Variants in ANKRD26 observed in about 807,000 individuals in gnomAD.
The protein encoded by ANKRD26 is ankyrin repeat domain-containing protein 26.
Under a neutral mutation model 208.7 loss-of-function variants are expected in ANKRD26, and 141 were observed. The observed-to-expected ratio is 0.68, with a 90% CI of 0.59 to 0.78. The LOEUF is 0.78. Ranked by LOEUF, ANKRD26 falls within the 30% of genes least tolerant of loss-of-function variation. The pLI is 0.00. For missense variants in ANKRD26, 1,889 were observed against 1,938.7 expected (o/e 0.97, Z 0.48); for synonymous variants, 636 against 660.4 (o/e 0.96, Z 0.57).
chr10:27,035,709 T>C lies in ANKRD26; in HGVS notation c.2741A>G (p.Asn914Ser), dbSNP rs1170744555. Residue 914 changes from asparagine to serine, a missense_variant, in exon 24 of 34, where the codon AAT becomes AGT. Around this residue, in one of 3 missense-constraint regions of ANKRD26, gnomAD observed 1,272 missense variants for 1,273.8 expected, o/e 1.00. Transcript: ENST00000376087. ...AGCAATTTCTTCCTGCAACATGCTA[T>C]TTTTATGCGATAGGTCTTTTTCTTC... ...HEEEKDLSHK[N>S]SMLQEEIAML... The C allele has an allele frequency of 1.2e-6, 2 of 1,606,516 alleles. No homozygotes were observed. Among genetic ancestry groups the C allele is most frequent in the Non-Finnish European group, 1.7e-6 (2 of 1,177,280 alleles).
intron 4 of ANKRD26, chr10:26,995,185 G>A (rs759574031): frequency 1.5e-5 from 7 of 471,078 alleles, no homozygotes; most frequent in South Asian, 6.2e-5. Flanking sequence ...ATTACACTGG[G>A]ATATGATAAT....
chr10:27,077,720 GT>G, intron 7 of ANKRD26, 27 bp from the exon 8 acceptor site: 1 of 1,579,392 alleles, frequency 6.3e-7, no homozygotes, highest in Non-Finnish European at 8.7e-7. Context: ...AGAATAACAA[GT>G]TTTAAAAAAA....
intron 1 of ANKRD26, among the ~76,000 whole-genome samples, chr10:27,099,059 T>G (rs2056561243): frequency 6.6e-6 from 1 of 151,758 alleles, no homozygotes; most frequent in Non-Finnish European, 1.5e-5. Context: ...GGCACGATCT[T>G]GGCTCACTGC....
chr10:27,046,513 CAGGACCACTACTTTAAAA>C lies in ANKRD26; in HGVS notation c.1815-8_1824del. ...CTCTTTACTTCCTTCATTTGCAAGG[CAGGACCACTACTTTAAAA>C]AATCCATGGGAAATGACAGTTACAT... is the stretch of plus-strand genomic sequence containing the variant. On this transcript the variant is annotated splice_acceptor_variant and splice_polypyrimidine_tract_variant and coding_sequence_variant and intron_variant, in exon 18 of 34. Transcript: ENST00000376087. LOFTEE classifies it high-confidence loss of function. 2 of 1,613,556 alleles carry C rather than the reference CAGGACCACTACTTTAAAA, an allele frequency of 1.2e-6. No homozygotes were observed. Among genetic ancestry groups the C allele is most frequent in the Non-Finnish European group, 1.7e-6 (2 of 1,179,908 alleles).
intron 21 of ANKRD26, 39 bp downstream of exon 21, chr10:27,039,926 C>A: frequency 6.4e-7 from 1 of 1,569,270 alleles, no homozygotes; most frequent in African/African-American, 1.4e-5. Flanking sequence ...ATCTTTAGTA[C>A]AAATAGTTAA....
chr10:26,961,498 C>T, the ANKRD26 span, among the ~76,000 whole-genome samples: 1 of 152,078 alleles, frequency 6.6e-6, no homozygotes, highest in South Asian at 2.1e-4. Context: ...TCAATGGGAC[C>T]ATCCTGGGTG....
intron 4 of ANKRD26, among the ~76,000 whole-genome samples, chr10:26,998,784 C>T (rs1161862761): frequency 6.6e-6 from 1 of 152,136 alleles, no homozygotes; most frequent in Non-Finnish European, 1.5e-5. Context: ...TTGGGGCTGT[C>T]AGAGAATCAG....
the ANKRD26 span, among the ~76,000 whole-genome samples, chr10:26,955,754 T>C: frequency 6.6e-6 from 1 of 152,224 alleles, no homozygotes; most frequent in Non-Finnish European, 1.5e-5. Context: ...ATATTAGTCC[T>C]GTGTATGCAA....
chr10:26,974,715 C>A (rs2052199887), exon 6 of ANKRD26, among the ~76,000 whole-genome samples: 1 of 152,192 alleles, frequency 6.6e-6, no homozygotes, highest in Admixed American at 6.5e-5. Context: ...ATAAATGCTG[C>A]AGTTTTTGTT....
chr10:26,970,118 G>A (rs116750924), downstream of ANKRD26, among the ~76,000 whole-genome samples: 3,534 of 152,060 alleles, frequency 0.023, 145 homozygotes, highest in African/African-American at 0.08. Flanking sequence ...CACTTCGCCC[G>A]GCCCTAGTTT....
chr10:27,061,984 C>T (rs1042255814), intron 12 of ANKRD26: 8 of 985,076 alleles, frequency 8.1e-6, no homozygotes, highest in African/African-American at 7.0e-5. Context: ...ATGATCTAAT[C>T]GTCTGTTTGA....
intron 15 of ANKRD26, among the ~76,000 whole-genome samples, chr10:27,058,293 G>A (rs1346064563): frequency 1.3e-5 from 2 of 152,004 alleles, no homozygotes; most frequent in Non-Finnish European, 2.9e-5. Context: ...CCATTCAAGG[G>A]TACAAGAGGT....
intron 19 of ANKRD26, 89 bp downstream of exon 19, chr10:27,044,068 A>G (rs905370024): frequency 7.1e-6 from 7 of 989,830 alleles, no homozygotes; most frequent in East Asian, 3.9e-5. Flanking sequence ...TGCTGAGATT[A>G]CAGGTGTGAG....
intron 30 of ANKRD26, among the ~76,000 whole-genome samples, chr10:27,015,971 G>A (rs1327938737): frequency 6.6e-6 from 1 of 152,038 alleles, no homozygotes; most frequent in Non-Finnish European, 1.5e-5. Flanking sequence ...GGTAAGAGAG[G>A]AAAGACATTC....
intron 32 of ANKRD26, among the ~76,000 whole-genome samples, chr10:27,011,412 T>C (rs999408332): frequency 1.3e-5 from 2 of 152,132 alleles, no homozygotes; most frequent in African/African-American, 4.8e-5. Flanking sequence ...GGATTACAAG[T>C]GTTCACCATT....
the ANKRD26 span, among the ~76,000 whole-genome samples, chr10:26,968,228 A>C: frequency 2.0e-5 from 3 of 151,736 alleles, no homozygotes; most frequent in South Asian, 6.3e-4. Context: ...GGGTTTTTTT[A>C]CCTCCTCACC....
intron 29 of ANKRD26, among the ~76,000 whole-genome samples, chr10:27,018,373 A>T (rs764383788): frequency 1.3e-5 from 2 of 151,752 alleles, no homozygotes; most frequent in African/African-American, 4.8e-5. Flanking sequence ...TGACCTCATG[A>T]TCTGCCTGCC....
At chr10:27,066,937 C>T (rs1270989687) in intron 10 of ANKRD26, among the ~76,000 whole-genome samples, 1 of 151,406 alleles carries the variant, frequency 6.6e-6, no homozygotes, top group Non-Finnish European at 1.5e-5. Flanking sequence ...CTCCCGAGTA[C>T]CTGGGATTAT....
In ANKRD26 at chr10:27,046,456, A is replaced by G; in HGVS notation, c.1882T>C (p.Ser628Pro). The change falls in exon 18 of 34, where the codon TCT (serine) becomes CCT (proline). Residue 628 changes from serine to proline, a missense_variant. Around this residue, in one of 3 missense-constraint regions of ANKRD26, gnomAD observed 1,272 missense variants for 1,273.8 expected, o/e 1.00. Coordinates refer to ENST00000376087, the MANE Select transcript of ANKRD26 (RefSeq NM_014915.3). ...TEKEKRTSKE[S>P]VNSPVFGKAS... Reference sequence around the variant, plus strand: ...TTCCCAAACACTGGTGAATTCACAGATTCTTTCGAGGTCCGTTTTTCTTTT... The same window carrying G: ...TTCCCAAACACTGGTGAATTCACAGGTTCTTTCGAGGTCCGTTTTTCTTTT... 6.2e-7 allele frequency: 1 copy of G among 1,614,148 alleles called. No homozygotes were observed. Among genetic ancestry groups the G allele is most frequent in the South Asian group, 1.1e-5 (1 of 91,082 alleles).
Sources: gnomAD v4.1 joint callset for allele counts (sites outside exome capture counted in the v4.1 genomes callset) on GRCh38, gnomAD v4.1.1 for gene constraint, gnomAD v4.1.1 regional missense constraint, MANE v1.5 for transcripts, NCBI Gene and HGNC (gene_info 2026-07-23, HGNC 2026-07-21) for gene names.